HPRT1: variants seen among roughly 807,000 people sequenced by gnomAD.
The protein encoded by HPRT1 is hypoxanthine-guanine phosphoribosyltransferase.
In HPRT1, 4 loss-of-function variants were observed where a neutral mutation model predicts 19.0. The ratio of observed to expected loss-of-function variants is 0.21; its 90% CI spans 0.10 to 0.48. The LOEUF (loss-of-function observed/expected upper bound fraction) is 0.48, where lower values mean the gene tolerates loss of function less well. Ranked by LOEUF, HPRT1 falls within the 20% of genes least tolerant of loss-of-function variation. The pLI is 0.98. For synonymous variants in HPRT1, 53 were observed against 54.9 expected (o/e 0.97, Z 0.15); for missense variants, 65 against 164.0 (o/e 0.40, Z 3.30).
At chrX:134,498,260 G>T in intron 6 of HPRT1, 130 bp from the exon 7 acceptor site, 1 of 572,772 alleles carries the variant, frequency 1.7e-6, no homozygotes, top group Non-Finnish European at 3.1e-6. Context: ...TCTTTCCTTG[G>T]GTGTGTTAAA....
chrX:134,460,361 C>T, intron 1 of HPRT1, 23 bp downstream of exon 1: 1 of 1,101,828 alleles, frequency 9.1e-7, no homozygotes, highest in Non-Finnish European at 1.2e-6. Context: ...GCCTGCCGGC[C>T]CTGGCCGGTT....
At chrX:134,493,078 A>G (rs1315173705) in intron 5 of HPRT1, among the ~76,000 whole-genome samples, 1 of 112,177 alleles carries the variant, frequency 8.9e-6, no homozygotes, top group East Asian at 2.8e-4. Flanking sequence ...ACTTTTATGT[A>G]AAGTCATTTT....
intron 1 of HPRT1, among the ~76,000 whole-genome samples, chrX:134,466,193 G>A (rs1435282040): frequency 1.8e-5 from 2 of 110,598 alleles, no homozygotes; most frequent in Admixed American, 2.0e-4. Flanking sequence ...GCCAAGGTGG[G>A]TGGATCACGA....
chrX:134,465,876 GAT>G (rs1469326925), intron 1 of HPRT1, among the ~76,000 whole-genome samples: 1 of 111,773 alleles, frequency 8.9e-6, no homozygotes, highest in Non-Finnish European at 1.9e-5. Context: ...AGAGCTCTCA[GAT>G]ATTTTGGGGT....
chrX:134,498,815 G>A (rs1458825511), intron 8 of HPRT1, 131 bp downstream of exon 8: 2 of 526,564 alleles, frequency 3.8e-6, no homozygotes, highest in East Asian at 3.6e-5. Context: ...ACATAAAGCT[G>A]TAGTCTAGTA....
At chrX:134,499,208 G>A (rs1221304308) in intron 8 of HPRT1, among the ~76,000 whole-genome samples, 1 of 112,082 alleles carries the variant, frequency 8.9e-6, no homozygotes, top group African/African-American at 3.2e-5. Context: ...GCTGGTTGCG[G>A]TGGCTCACAC....
At chrX:134,470,272 G>T (rs2077607287) in intron 1 of HPRT1, among the ~76,000 whole-genome samples, 1 of 111,898 alleles carries the variant, frequency 8.9e-6, no homozygotes, top group Admixed American at 9.6e-5. Flanking sequence ...AGGGGCTGAA[G>T]TTGTCCCACA....
intron 3 of HPRT1, among the ~76,000 whole-genome samples, chrX:134,484,535 G>A (rs2077647618): frequency 8.9e-6 from 1 of 111,949 alleles, no homozygotes; most frequent in Admixed American, 9.5e-5. Flanking sequence ...ATATATAGAA[G>A]CATAACAAAA....
At chrX:134,495,484 G>A (rs6634993) in intron 6 of HPRT1, among the ~76,000 whole-genome samples, 16,312 of 111,285 alleles carry the variant, frequency 0.15, 1,126 homozygotes, top group African/African-American at 0.25. Context: ...ACTGCAAAGC[G>A]CTGTTTCACT....
At chrX:134,470,207 TGTCCTG>T (rs1488435120) in intron 1 of HPRT1, among the ~76,000 whole-genome samples, 12 of 112,096 alleles carry the variant, frequency 1.1e-4, no homozygotes, top group Non-Finnish European at 2.1e-4. Context: ...ACCAGGGGCA[TGTCCTG>T]GTCCACCTAC....
chrX:134,479,578 TTTG>T (rs747004660), intron 3 of HPRT1, among the ~76,000 whole-genome samples: 41 of 111,182 alleles, frequency 3.7e-4, no homozygotes, highest in African/African-American at 5.2e-4. Context: ...CCAGTGGTTT[TTTG>T]TTGTTGTTGT....
chrX:134,493,865 C>T (rs138591999), intron 6 of HPRT1, among the ~76,000 whole-genome samples: 1 of 111,027 alleles, frequency 9.0e-6, no homozygotes, highest in South Asian at 3.8e-4. Flanking sequence ...GGATTTTGGG[C>T]CCCCTTGCAA....
chrX:134,499,207 G>A (rs17880167), intron 8 of HPRT1, among the ~76,000 whole-genome samples: 26 of 111,923 alleles, frequency 2.3e-4, no homozygotes, highest in African/African-American at 7.5e-4. Context: ...GGCTGGTTGC[G>A]GTGGCTCACA....
chrX:134,484,228 G>C (rs1257634283), intron 3 of HPRT1, among the ~76,000 whole-genome samples: 2 of 112,115 alleles, frequency 1.8e-5, no homozygotes, highest in African/African-American at 6.5e-5. Context: ...TGTAATACCA[G>C]GTATCTCCAG....
At position 134,484,853 on chromosome X, in the gene HPRT1, A is replaced by G. The variant is rs758780505; in HGVS notation, c.319-1612A>G. On this transcript the variant is annotated intron_variant, in intron 3 of 8. Transcript: ENST00000298556. Reference sequence around the variant, plus strand: ...TGAACATTTATTTTTTAAATAAAAAAAAGAGAGACAGGGTCTTGCTGTGTT... The same window carrying G: ...TGAACATTTATTTTTTAAATAAAAAGAAGAGAGACAGGGTCTTGCTGTGTT... Among the ~76,000 whole-genome samples the G allele has an allele frequency of 8.9e-5, 10 of 111,756 alleles. No homozygotes were observed. In the South Asian group the frequency reaches 2.7e-3, roughly 30 times the overall value.
rs762739119 is a variant in HPRT1, at chrX:134,473,408, A to C, written c.77A>C (p.Asn26Thr). The change falls in exon 2 of 9, where the codon AAT becomes ACT. Residue 26 changes from asparagine (N) to threonine (T), a missense_variant. Asn to Thr is a moderately conservative substitution (Grantham distance 65). Transcript: ENST00000298556. ...GYDLDLFCIP[N>T]HYAEDLERVF... ...GACCTTGATTTATTTTGCATACCTA[A>C]TCATTATGCTGAGGATTTGGAAAGG... is the stretch of plus-strand genomic sequence containing the variant. 42 of 1,196,766 alleles carry C rather than the reference A, an allele frequency of 3.5e-5. No individual in the cohort carries two copies. The highest frequency in any genetic ancestry group is 4.4e-5 in the Non-Finnish European group (39 of 881,792).
At chrX:134,478,399 T>C (rs1473271604) in intron 3 of HPRT1, among the ~76,000 whole-genome samples, 4 of 111,044 alleles carry the variant, frequency 3.6e-5, no homozygotes, top group African/African-American at 1.3e-4. Flanking sequence ...GGAGAATCAC[T>C]TGAGGCCAGG....
At chrX:134,464,355 T>G (rs1441848521) in intron 1 of HPRT1, among the ~76,000 whole-genome samples, 1 of 111,831 alleles carries the variant, frequency 8.9e-6, no homozygotes, top group Admixed American at 9.6e-5. Flanking sequence ...TCTGTTATCC[T>G]GAGTTAACAC....
At chrX:134,468,471 AC>A (rs1569353962) in intron 1 of HPRT1, among the ~76,000 whole-genome samples, 1 of 109,842 alleles carries the variant, frequency 9.1e-6, no homozygotes, top group Admixed American at 9.8e-5. Context: ...AAAAGAATTA[AC>A]CAAGTGTGGT....
Sources: gnomAD v4.1 joint callset for allele counts (sites outside exome capture counted in the v4.1 genomes callset) on GRCh38, gnomAD v4.1.1 for gene constraint, MANE v1.5 for transcripts, NCBI Gene and HGNC (gene_info 2026-07-23, HGNC 2026-07-21) for gene names.